PPARA: variants seen among roughly 807,000 people sequenced by gnomAD.
PPARA encodes peroxisome proliferator-activated receptor alpha.
Under a neutral mutation model 42.2 loss-of-function variants are expected in PPARA, and 22 were observed. That is an observed-to-expected ratio of 0.52 (90% CI 0.37 to 0.74). The LOEUF is 0.74. PPARA is among the 30% of genes least tolerant of loss of function. The pLI, the probability that PPARA is intolerant of heterozygous loss-of-function variation, is 0.00. For synonymous variants in PPARA, 242 were observed against 239.3 expected (o/e 1.01, Z -0.10); for missense variants, 465 against 608.2 (o/e 0.76, Z 2.48).
At chr22:46,189,331 C>A (rs2147315861) in intron 3 of PPARA, among the ~76,000 whole-genome samples, 1 of 152,326 alleles carries the variant, frequency 6.6e-6, no homozygotes, top group Admixed American at 6.5e-5. Context: ...AGGGAGTTTT[C>A]TTGGAAATGG....
intron 7 of PPARA, among the ~76,000 whole-genome samples, chr22:46,229,985 T>C: frequency 6.6e-6 from 1 of 152,242 alleles, no homozygotes; most frequent in Non-Finnish European, 1.5e-5. Flanking sequence ...AGAAGCATTG[T>C]CAGTGGTTGT....
intron 4 of PPARA, among the ~76,000 whole-genome samples, chr22:46,208,900 G>A (rs1327113962): frequency 4.3e-5 from 4 of 92,750 alleles, no homozygotes; most frequent in Non-Finnish European, 1.1e-4. Context: ...AATAGTATTC[G>A]TGTGTGTGTG....
rs184616636 is a variant in PPARA, at chr22:46,221,946, G to C, written c.711+1932G>C. ...CAAAAAATTAGCTGGGCATGGTAGC[G>C]GTTGCCTGTAATCCCAGCTACTTGG... On this transcript the variant is annotated intron_variant, in intron 7 of 8. Coordinates refer to ENST00000407236, the MANE Select transcript of PPARA (RefSeq NM_005036.6). This position sits in a 1 kb window ranked among gnomAD's most constrained non-coding sequence, Gnocchi z 5.9. Among the ~76,000 whole-genome samples the C allele has an allele frequency of 6.6e-6, 1 of 152,004 alleles. No individual in the cohort carries two copies.
At chr22:46,185,985 C>A (rs1930752020) in intron 3 of PPARA, among the ~76,000 whole-genome samples, 1 of 104,682 alleles carries the variant, frequency 9.6e-6, no homozygotes, top group Non-Finnish European at 1.8e-5. Context: ...TAACCTTCAG[C>A]ATATAGGACT....
At position 46,232,615 on chromosome 22, in the gene PPARA, T is replaced by C. The variant is rs1451850449; in HGVS notation, c.1159+376T>C. ...TTGCAATGAGTTATGAATGCACCAC[T>C]GCACTCTAGCCTGGGCAACAGAACA... On this transcript the variant is annotated intron_variant, in intron 8 of 8. Transcript: ENST00000407236. The surrounding 1 kb of genome is among the most constrained non-coding windows in gnomAD (Gnocchi z 5.3). Among the ~76,000 whole-genome samples the C allele has an allele frequency of 6.6e-6, 1 of 151,672 alleles. No homozygotes were observed. Among genetic ancestry groups the C allele is most frequent in the Non-Finnish European group, 1.5e-5 (1 of 67,934 alleles).
At position 46,207,665 on chromosome 22, in the gene PPARA, ATTATTATTATTATTTTTT is replaced by A. The variant is rs1169077025; in HGVS notation, c.209-7505_209-7488del. On this transcript the variant is annotated intron_variant, in intron 4 of 8. Transcript: ENST00000407236. ...TTAATTTATTATTATTATTATTATT[ATTATTATTATTATTTTTT>A]TTTTTTTTTTTTTTTTTAGAGACAG... 2.0e-3 allele frequency among the ~76,000 whole-genome samples: 167 copies of A among 83,914 alleles called. 1 individual carries two copies. Among genetic ancestry groups the A allele is most frequent in the African/African-American group, 7.0e-3 (139 of 19,940 alleles). The allele number at this position is 83,914 out of a possible 152,430, so 55.1% of individuals were successfully genotyped here.
rs377529404 is a variant in PPARA at position 46,231,749 on chromosome 22, G to A, written c.712-43G>A. The A allele has an allele frequency of 2.8e-5, 44 of 1,563,980 alleles. 1 individual carries two copies. In the South Asian group the frequency reaches 2.8e-4, roughly 10 times the overall value. ...GTGAGCTGATAGCTGGGAGCATAGCGCATCCCACATCACCTGACTTACCTT... is the reference window on the plus strand; with the variant it reads ...GTGAGCTGATAGCTGGGAGCATAGCACATCCCACATCACCTGACTTACCTT... On this transcript the variant is annotated intron_variant, in intron 7 of 8. Transcript: ENST00000407236. This position sits in a 1 kb window ranked among gnomAD's most constrained non-coding sequence, Gnocchi z 7.7.
At chr22:46,172,837 G>T (rs1928314464) in intron 2 of PPARA, among the ~76,000 whole-genome samples, 2 of 152,154 alleles carry the variant, frequency 1.3e-5, no homozygotes, top group South Asian at 4.1e-4. Context: ...GCTTTGACAG[G>T]TTACTTGGCC....
At chr22:46,215,410 C>T (rs751528520) in intron 5 of PPARA, 77 bp downstream of exon 5, 2 of 1,575,502 alleles carry the variant, frequency 1.3e-6, no homozygotes, top group Admixed American at 3.4e-5. Flanking sequence ...AAATGGCAGT[C>T]ATTACTGAGA....
chr22:46,194,893 CTTT>C (rs1161037504), intron 3 of PPARA, among the ~76,000 whole-genome samples: 4 of 116,050 alleles, frequency 3.4e-5, no homozygotes, highest in African/African-American at 9.3e-5. Flanking sequence ...TGTTTTCTTT[CTTT>C]TTTTTTTTTT....
chr22:46,225,090 C>T lies in PPARA; in HGVS notation c.711+5076C>T, dbSNP rs1372250361. Among the ~76,000 whole-genome samples, 2 of 151,976 alleles carry T rather than the reference C, an allele frequency of 1.3e-5. No homozygotes were observed. The highest frequency in any genetic ancestry group is 1.9e-4 in the East Asian group (1 of 5,164). ...GGAGGCTGTGGGGGCAGGGGGAGGC[C>T]GCTGCATGGAGCCGCATAGATGCCA... On this transcript the variant is annotated intron_variant, in intron 7 of 8. Transcript: ENST00000407236. The surrounding 1 kb of genome is among the most constrained non-coding windows in gnomAD (Gnocchi z 4.1).
In PPARA at chr22:46,221,204, C is replaced by T. The variant is rs557714105; in HGVS notation, c.711+1190C>T. On this transcript the variant is annotated intron_variant, in intron 7 of 8. Coordinates refer to ENST00000407236, the MANE Select transcript of PPARA (RefSeq NM_005036.6). The surrounding 1 kb of genome is among the most constrained non-coding windows in gnomAD (Gnocchi z 5.9). ...TTTCACCCATCAGATCTTGTGAGAACGCTATCACTAGAGTAGCACCAAGAG... is the reference window on the plus strand; with the variant it reads ...TTTCACCCATCAGATCTTGTGAGAATGCTATCACTAGAGTAGCACCAAGAG... Among the ~76,000 whole-genome samples, 9 of 152,190 alleles carry T rather than the reference C, an allele frequency of 5.9e-5. No individual in the cohort carries two copies. Among genetic ancestry groups the T allele is most frequent in the Non-Finnish European group, 7.4e-5 (5 of 68,016 alleles).
chr22:46,168,245 G>C (rs536900443), intron 2 of PPARA, among the ~76,000 whole-genome samples: 1 of 149,130 alleles, frequency 6.7e-6, no homozygotes, highest in South Asian at 2.1e-4. Context: ...CTAGCTACTC[G>C]GGAGGCTGAG....
chr22:46,183,028 A>G lies in PPARA; in HGVS notation c.-43+6192A>G, dbSNP rs1930187869. 6.6e-6 allele frequency among the ~76,000 whole-genome samples: 1 copy of G among 152,238 alleles called. No individual in the cohort carries two copies. The highest frequency in any genetic ancestry group is 1.5e-5 in the Non-Finnish European group (1 of 68,046). The stretch of plus-strand genomic sequence containing the variant: ...CCAAAGTGTTGGGATTATAGGCATG[A>G]GCCACAGCACCGGGCCCATAAAGCT... On this transcript the variant is annotated intron_variant, in intron 3 of 8. Transcript: ENST00000407236. The surrounding 1 kb of genome is among the most constrained non-coding windows in gnomAD (Gnocchi z 5.5).
At position 46,216,721 on chromosome 22, in the gene PPARA, C is replaced by G. The variant is rs1874190489; in HGVS notation, c.369+1388C>G. On this transcript the variant is annotated intron_variant, in intron 5 of 8. Transcript: ENST00000407236. This position sits in a 1 kb window ranked among gnomAD's most constrained non-coding sequence, Gnocchi z 4.5. ...TCCTGCTGGCTCAGCCTGCCCTAAACAGATGTGACCTGGGCCAGGAGTGCA... is the reference window on the plus strand; with the variant it reads ...TCCTGCTGGCTCAGCCTGCCCTAAAGAGATGTGACCTGGGCCAGGAGTGCA... 6.6e-6 allele frequency among the ~76,000 whole-genome samples: 1 copy of G among 152,202 alleles called. No individual in the cohort carries two copies. The highest frequency in any genetic ancestry group is 2.4e-5 in the African/African-American group (1 of 41,458).
In PPARA at chr22:46,240,064, G is replaced by A; in HGVS notation, c.*4684G>A. The stretch of plus-strand genomic sequence containing the variant: ...TGGCTTGACCGACAGCCTGGCCTTT[G>A]GTGGGGGGCTTCCTGGGGCCTGGGG... On this transcript the variant is annotated 3_prime_UTR_variant, in exon 9 of 9. Coordinates refer to ENST00000407236, the MANE Select transcript of PPARA (RefSeq NM_005036.6). This position sits in a 1 kb window ranked among gnomAD's most constrained non-coding sequence, Gnocchi z 6.0. 2.5e-6 allele frequency: 1 copy of A among 398,374 alleles called. No homozygotes were observed. The highest frequency in any genetic ancestry group is 4.4e-6 in the Non-Finnish European group (1 of 226,346). 24.7% of individuals were successfully genotyped at this position (398,374 alleles called of 1,614,324 possible).
chr22:46,209,123 T>G (rs1933681806), intron 4 of PPARA, among the ~76,000 whole-genome samples: 1 of 152,222 alleles, frequency 6.6e-6, no homozygotes, highest in Admixed American at 6.5e-5. Context: ...TTTGTTTTTT[T>G]GAGGAACCTC....
At chr22:46,177,938 A>G (rs986545882) in intron 3 of PPARA, among the ~76,000 whole-genome samples, 13 of 152,334 alleles carry the variant, frequency 8.5e-5, no homozygotes, top group African/African-American at 2.9e-4. Context: ...AAGAAGGCAT[A>G]TCTTGAGGCT....
Position 46,232,503 on chromosome 22 carries a change from A to T in PPARA, c.1159+264A>T, listed in dbSNP as rs950298066. 1.3e-5 allele frequency among the ~76,000 whole-genome samples: 2 copies of T among 152,028 alleles called. No homozygotes were observed. The highest frequency in any genetic ancestry group is 4.8e-5 in the African/African-American group (2 of 41,434). On this transcript the variant is annotated intron_variant, in intron 8 of 8. Coordinates refer to ENST00000407236, the MANE Select transcript of PPARA (RefSeq NM_005036.6). The surrounding 1 kb of genome is among the most constrained non-coding windows in gnomAD (Gnocchi z 5.3). The stretch of plus-strand genomic sequence containing the variant: ...TGTATGACATTTTAATCATAATATT[A>T]GCCAGGTGTGGGGGTGCACACCTTT...
Sources: gnomAD v4.1 joint callset for allele counts (sites outside exome capture counted in the v4.1 genomes callset) on GRCh38, gnomAD v4.1.1 for gene constraint, Gnocchi (gnomAD v3.1) non-coding constraint, MANE v1.5 for transcripts, NCBI Gene and HGNC (gene_info 2026-07-23, HGNC 2026-07-21) for gene names.